The following SDK1 variants were observed in gnomAD, a reference collection of about 807,000 sequenced individuals.
SDK1 encodes the protein sidekick cell adhesion molecule 1.
SDK1 carries 157 observed loss-of-function variants against 245.5 expected under a neutral mutation model. That is an observed-to-expected ratio of 0.64 (90% CI 0.56 to 0.73). The LOEUF is 0.73. Among genes scored for constraint, SDK1 ranks in the 30% least tolerant of loss-of-function variants. The probability of loss-of-function intolerance (pLI) is 0.00; values close to 1 mark genes in which losing one functional copy is unlikely to be tolerated. For missense variants in SDK1, 3,583 were observed against 3,002.3 expected (o/e 1.19, Z -4.52); for synonymous variants, 1,647 against 1,278.5 (o/e 1.29, Z -6.15).
intron 4 of SDK1, among the ~76,000 whole-genome samples, chr7:3,816,627 C>G (rs948050215): frequency 6.6e-6 from 1 of 151,916 alleles, no homozygotes. Context: ...CAAAAAGAGT[C>G]CAGGACCAGA....
chr7:3,643,772 C>G (rs1248415125), intron 4 of SDK1: 1 of 151,892 alleles, frequency 6.6e-6, no homozygotes, highest in Non-Finnish European at 1.5e-5. Context: ...CTCTCCCACC[C>G]CCACCTGAGC....
intron 3 of SDK1, among the ~76,000 whole-genome samples, chr7:3,639,656 A>C (rs77811212): frequency 2.0e-5 from 3 of 152,176 alleles, no homozygotes; most frequent in African/African-American, 7.2e-5. Flanking sequence ...TCAAGAATGC[A>C]GGAAGCTTAA....
intron 1 of SDK1, among the ~76,000 whole-genome samples, chr7:3,543,763 G>T (rs1376220739): frequency 6.6e-6 from 1 of 152,116 alleles, no homozygotes; most frequent in African/African-American, 2.4e-5. Context: ...ATTGATGTTC[G>T]TATGTTGTGA....
intron 26 of SDK1, among the ~76,000 whole-genome samples, chr7:4,127,823 G>T (rs1291456047): frequency 6.6e-6 from 1 of 152,240 alleles, no homozygotes; most frequent in East Asian, 1.9e-4. Context: ...CCCTGTGCTT[G>T]TGTCTCCCCG....
At chr7:3,845,406 C>A (rs181627870) in intron 5 of SDK1, among the ~76,000 whole-genome samples, 1,734 of 144,884 alleles carry the variant, frequency 0.012, 38 homozygotes, top group Admixed American at 0.054. Context: ...AGGAGAATCG[C>A]TTGAACCCGG....
intron 1 of SDK1, among the ~76,000 whole-genome samples, chr7:3,469,518 T>C (rs1381607396): frequency 6.6e-6 from 1 of 152,214 alleles, no homozygotes; most frequent in African/African-American, 2.4e-5. Context: ...TTTCTTAATA[T>C]TTGCAGAGAG....
At chr7:3,681,403 T>C (rs1784096602) in intron 4 of SDK1, among the ~76,000 whole-genome samples, 1 of 152,168 alleles carries the variant, frequency 6.6e-6, no homozygotes. Flanking sequence ...TATAAACTGC[T>C]GCTCTGACCT....
At chr7:3,925,489 C>T (rs796861881) in intron 5 of SDK1, among the ~76,000 whole-genome samples, 31 of 152,300 alleles carry the variant, frequency 2.0e-4, no homozygotes, top group African/African-American at 5.5e-4. Context: ...ATGAATCTCT[C>T]GTCGCCAAAC....
chr7:3,379,367 G>A (rs1781430610), intron 1 of SDK1, among the ~76,000 whole-genome samples: 1 of 152,132 alleles, frequency 6.6e-6, no homozygotes, highest in Non-Finnish European at 1.5e-5. Flanking sequence ...CTAACTTACT[G>A]GGAGAGGGGT....
At chr7:4,066,272 G>A (rs1184455591) in intron 19 of SDK1, among the ~76,000 whole-genome samples, 1 of 152,170 alleles carries the variant, frequency 6.6e-6, no homozygotes, top group Non-Finnish European at 1.5e-5. Flanking sequence ...TCAGAGAGGA[G>A]GTAGGGCTCT....
intron 29 of SDK1, among the ~76,000 whole-genome samples, chr7:4,146,936 A>G (rs1284085985): frequency 3.9e-5 from 6 of 152,258 alleles, no homozygotes; most frequent in South Asian, 2.1e-4. Context: ...CTCTGACACC[A>G]CGAGGCCGAC....
At chr7:4,188,300 A>G (rs998659295) in intron 35 of SDK1, among the ~76,000 whole-genome samples, 3 of 151,990 alleles carry the variant, frequency 2.0e-5, no homozygotes, top group Non-Finnish European at 4.4e-5. Flanking sequence ...CTTAAGTTTT[A>G]TTTTTCTTTA....
rs59907207 is a variant in SDK1 at position 4,149,055 on chromosome 7, A to AAAAACAAAACAAAACAAAACAAAAC, written c.4424-202_4424-178dup. 5.9e-5 allele frequency among the ~76,000 whole-genome samples: 9 copies of AAAAACAAAACAAAACAAAACAAAAC among 151,496 alleles called. No homozygotes were observed. The South Asian group carries it at 8.4e-4, about 14-fold the overall frequency. ...TGGTGACAGAGTGAGACTCTGTCTC[A>AAAAACAAAACAAAACAAAACAAAAC]AAAACAAAACAAAACAAAACAAAAC... On this transcript the variant is annotated intron_variant, in intron 29 of 44. Coordinates refer to ENST00000404826, the MANE Select transcript of SDK1 (RefSeq NM_152744.4).
intron 5 of SDK1, among the ~76,000 whole-genome samples, chr7:3,853,318 A>G (rs1164653082): frequency 1.3e-5 from 2 of 152,176 alleles, no homozygotes; most frequent in East Asian, 1.9e-4. Flanking sequence ...GAGGGCATCT[A>G]TTAAGTACCA....
At chr7:4,138,026 G>T (rs1779210413) in intron 28 of SDK1, among the ~76,000 whole-genome samples, 1 of 152,330 alleles carries the variant, frequency 6.6e-6, no homozygotes, top group South Asian at 2.1e-4. Flanking sequence ...GCAGACCGTG[G>T]TGTGGCGACC....
chr7:3,346,666 CTTTT>C (rs11311845), intron 1 of SDK1, among the ~76,000 whole-genome samples: 1 of 123,842 alleles, frequency 8.1e-6, no homozygotes, highest in Non-Finnish European at 1.7e-5. Flanking sequence ...AATTTAGTTT[CTTTT>C]TTTTTTTTTG....
intron 4 of SDK1, among the ~76,000 whole-genome samples, chr7:3,690,246 G>A (rs572378318): frequency 2.5e-4 from 38 of 152,106 alleles, no homozygotes; most frequent in Non-Finnish European, 4.9e-4. Flanking sequence ...TCCACATGAC[G>A]ATTAGCACAA....
chr7:3,634,958 A>G (rs1281135500), intron 2 of SDK1, among the ~76,000 whole-genome samples: 1 of 152,240 alleles, frequency 6.6e-6, no homozygotes, highest in Non-Finnish European at 1.5e-5. Context: ...TCATATAAAT[A>G]TGGTTATGTT....
rs140361243 is a variant in SDK1, at chr7:4,210,925, G to A, written c.5539+763G>A. 1.8e-3 allele frequency among the ~76,000 whole-genome samples: 270 copies of A among 152,298 alleles called. 3 individuals carry two copies. The highest frequency in any genetic ancestry group is 6.1e-3 in the African/African-American group (254 of 41,566). On this transcript the variant is annotated intron_variant, in intron 38 of 44. Coordinates refer to ENST00000404826, the MANE Select transcript of SDK1 (RefSeq NM_152744.4). ...GAAGAGACCGGAGTGACAAGGGCCC[G>A]GACACACAAGAATCCTGGGGAAGAT...
Sources: gnomAD v4.1 joint callset for allele counts (sites outside exome capture counted in the v4.1 genomes callset) on GRCh38, gnomAD v4.1.1 for gene constraint, MANE v1.5 for transcripts, NCBI Gene and HGNC (gene_info 2026-07-23, HGNC 2026-07-21) for gene names.